The following BCAS1 variants were observed in gnomAD, a reference collection of about 807,000 sequenced individuals.
BCAS1 encodes the protein brain enriched myelin associated protein 1.
In BCAS1, 46 loss-of-function variants were observed where a neutral mutation model predicts 65.4. That is an observed-to-expected ratio of 0.70 (90% CI 0.55 to 0.90). The LOEUF is 0.90. BCAS1 is among the 40% of genes least tolerant of loss of function. BCAS1 has a pLI of 0.00. For synonymous variants in BCAS1, 298 were observed against 293.5 expected, an observed-to-expected ratio of 1.02 and a Z score of -0.16; for missense variants, 793 against 771.2, an observed-to-expected ratio of 1.03 and a Z score of -0.33.
At chr20:53,967,357 T>A (rs946309210) in intron 9 of BCAS1, among the ~76,000 whole-genome samples, 1 of 152,002 alleles carries the variant, frequency 6.6e-6, no homozygotes, top group Non-Finnish European at 1.5e-5. Flanking sequence ...CAGAGCATGC[T>A]CAATACCCAA....
At chr20:54,026,142 C>T (rs1007179275) in intron 4 of BCAS1, among the ~76,000 whole-genome samples, 3 of 152,154 alleles carry the variant, frequency 2.0e-5, no homozygotes, top group South Asian at 2.1e-4. Flanking sequence ...GGAGTGAATT[C>T]ACTTATTCAG....
chr20:53,950,089 A>C (rs575212105), intron 12 of BCAS1, among the ~76,000 whole-genome samples: 2 of 152,196 alleles, frequency 1.3e-5, no homozygotes, highest in Non-Finnish European at 2.9e-5. Context: ...TTCTTACTTA[A>C]TATCTGTGAG....
intron 7 of BCAS1, among the ~76,000 whole-genome samples, chr20:53,987,676 C>T (rs2090648409): frequency 6.6e-6 from 1 of 152,104 alleles, no homozygotes; most frequent in African/African-American, 2.4e-5. Flanking sequence ...AAAATTTCAA[C>T]TGTAATAAGT....
chr20:53,974,124 T>G (rs951205123), intron 9 of BCAS1, among the ~76,000 whole-genome samples: 3 of 152,158 alleles, frequency 2.0e-5, no homozygotes, highest in African/African-American at 7.2e-5. Context: ...ATCAGCACTC[T>G]GTAAAATGGA....
intron 8 of BCAS1, among the ~76,000 whole-genome samples, chr20:53,984,257 C>T (rs573160730): frequency 6.6e-6 from 1 of 152,180 alleles, no homozygotes; most frequent in South Asian, 2.1e-4. Context: ...TATTATATTG[C>T]TGGTAAAAGA....
At chr20:54,012,467 T>TA (rs11343372) in intron 4 of BCAS1, among the ~76,000 whole-genome samples, 1,340 of 108,128 alleles carry the variant, frequency 0.012, 20 homozygotes, top group African/African-American at 0.037. Context: ...AGTTAAAAAG[T>TA]AAAAAAAAAA....
chr20:54,035,353 A>G lies in BCAS1; in HGVS notation c.143-6381T>C, dbSNP rs547241142. Reference sequence around the variant, plus strand: ...GAGACAGAGCTTGCACTGAGCCGAGACCACATCACTGCACTCCAGCCTGGG... The same window carrying G: ...GAGACAGAGCTTGCACTGAGCCGAGGCCACATCACTGCACTCCAGCCTGGG... On this transcript the variant is annotated intron_variant, in intron 3 of 12. Transcript: ENST00000688948. 1.2e-4 allele frequency among the ~76,000 whole-genome samples: 17 copies of G among 145,938 alleles called. 1 individual carries two copies. The highest frequency in any genetic ancestry group is 4.3e-4 in the African/African-American group (17 of 39,790).
chr20:54,044,476 T>C (rs1487612228), intron 3 of BCAS1, among the ~76,000 whole-genome samples: 2 of 152,242 alleles, frequency 1.3e-5, no homozygotes, highest in Non-Finnish European at 2.9e-5. Flanking sequence ...TCTGTCATGG[T>C]AAGTACAAAA....
At position 54,065,466 on chromosome 20, in the gene BCAS1, T is replaced by C. The variant is rs565818025; in HGVS notation, c.-6+4967A>G. Among the ~76,000 whole-genome samples the C allele has an allele frequency of 2.6e-5, 4 of 152,280 alleles. No individual in the cohort carries two copies. The East Asian group carries it at 7.7e-4, about 29-fold the overall frequency. On this transcript the variant is annotated intron_variant, in intron 1 of 12. Coordinates refer to ENST00000688948, the MANE Select transcript of BCAS1 (RefSeq NM_001366298.2). Reference sequence around the variant, plus strand: ...CAGTTTTGATAGTCACGGTTCAGCTTTGGGGGGCGTGCACTGGTATCCGGT... The same window carrying C: ...CAGTTTTGATAGTCACGGTTCAGCTCTGGGGGGCGTGCACTGGTATCCGGT...
Position 53,975,438 on chromosome 20 carries a change from A to G in BCAS1, c.1276-8T>C. The G allele has an allele frequency of 6.2e-7, 1 of 1,611,184 alleles. No individual in the cohort carries two copies. The highest frequency in any genetic ancestry group is 1.1e-5 in the South Asian group (1 of 90,974). ...TGAGTCCTCTTTAACTGACTAAAGG[A>G]AGATAAAAACAAAAGTGAGAGTTAA... is the stretch of plus-strand genomic sequence containing the variant. On this transcript the variant is annotated splice_polypyrimidine_tract_variant and splice_region_variant and intron_variant, in intron 8 of 12. Coordinates refer to ENST00000688948, the MANE Select transcript of BCAS1 (RefSeq NM_001366298.2).
At chr20:53,995,767 T>C in intron 5 of BCAS1, 125 bp downstream of exon 5, 1 of 1,123,242 alleles carries the variant, frequency 8.9e-7, no homozygotes. Context: ...CCCTGTTCTC[T>C]CCCATGCTCC....
chr20:54,026,358 T>C (rs2146080980), intron 4 of BCAS1, among the ~76,000 whole-genome samples: 1 of 152,338 alleles, frequency 6.6e-6, no homozygotes, highest in South Asian at 2.1e-4. Flanking sequence ...GCTGAGTTAA[T>C]AAATCACAAC....
intron 4 of BCAS1, among the ~76,000 whole-genome samples, chr20:54,020,522 C>T (rs971873623): frequency 5.9e-5 from 9 of 152,174 alleles, no homozygotes; most frequent in Admixed American, 3.9e-4. Context: ...CAGATAATGA[C>T]GTTGCAATAA....
At chr20:54,038,191 G>A (rs1214123361) in intron 3 of BCAS1, among the ~76,000 whole-genome samples, 2 of 151,044 alleles carry the variant, frequency 1.3e-5, no homozygotes, top group Non-Finnish European at 3.0e-5. Flanking sequence ...AAATATTTTC[G>A]CTAAGATCTT....
chr20:54,028,315 T>A, intron 4 of BCAS1, 77 bp downstream of exon 4: 1 of 1,461,942 alleles, frequency 6.8e-7, no homozygotes, highest in Non-Finnish European at 9.6e-7. Flanking sequence ...GGTGACTGCA[T>A]ATGTGCAGTG....
At chr20:54,061,385 G>A (rs2092375267) in intron 1 of BCAS1, among the ~76,000 whole-genome samples, 1 of 152,150 alleles carries the variant, frequency 6.6e-6, no homozygotes, top group African/African-American at 2.4e-5. Context: ...CACTCCAAAG[G>A]CCTGCTGTCT....
At chr20:54,058,895 C>T (rs774195632) in intron 1 of BCAS1, among the ~76,000 whole-genome samples, 172 bp from the exon 2 acceptor site, 6 of 152,054 alleles carry the variant, frequency 3.9e-5, no homozygotes, top group Non-Finnish European at 7.4e-5. Context: ...AAGAAATACC[C>T]GAGACTGGGT....
chr20:53,945,099 A>G (rs2089268866), intron 12 of BCAS1, 103 bp from the exon 13 acceptor site: 1 of 986,092 alleles, frequency 1.0e-6, no homozygotes, highest in Non-Finnish European at 1.6e-6. Context: ...GTGTTGGGCT[A>G]AATTAATATA....
At chr20:54,021,449 T>C (rs1394725964) in intron 4 of BCAS1, among the ~76,000 whole-genome samples, 1 of 150,542 alleles carries the variant, frequency 6.6e-6, no homozygotes, top group Non-Finnish European at 1.5e-5. Flanking sequence ...ATGGTGTATA[T>C]GTACCACATT....
Sources: allele counts gnomAD v4.1 joint callset (sites outside exome capture counted in the v4.1 genomes callset), GRCh38; gene constraint gnomAD v4.1.1; transcripts MANE v1.5; gene names NCBI Gene and HGNC (gene_info 2026-07-23, HGNC 2026-07-21).